The following PIKFYVE variants were observed in gnomAD, a reference collection of about 807,000 sequenced individuals.
PIKFYVE encodes the protein 1-phosphatidylinositol 3-phosphate 5-kinase.
PIKFYVE carries 122 observed loss-of-function variants against 257.9 expected under a neutral mutation model. The ratio of observed to expected loss-of-function variants is 0.47; its 90% CI spans 0.41 to 0.55. The LOEUF is 0.55. PIKFYVE is among the 20% of genes least tolerant of loss of function. The pLI is 0.00. For synonymous variants in PIKFYVE, 892 were observed against 868.9 expected, an observed-to-expected ratio of 1.03 and a Z score of -0.47; for missense variants, 2,160 against 2,536.6, an observed-to-expected ratio of 0.85 and a Z score of 3.19.
chr2:208,270,431 A>G (rs1689267796), intron 1 of PIKFYVE, among the ~76,000 whole-genome samples: 1 of 152,174 alleles, frequency 6.6e-6, no homozygotes, highest in African/African-American at 2.4e-5. Context: ...CTTTTCTGTA[A>G]CTTCCATCTG....
chr2:208,273,568 C>G lies in PIKFYVE; in HGVS notation c.173-16C>G. On this transcript the variant is annotated splice_polypyrimidine_tract_variant and intron_variant, in intron 2 of 41. Transcript: ENST00000264380. ...CTCTCAGTCTTTAAATAATGCCAAG[C>G]GTTCCCTTGCTACAGAGAGAGCAGA... 2 of 1,614,084 alleles carry G rather than the reference C, an allele frequency of 1.2e-6. No homozygotes were observed. Among genetic ancestry groups the G allele is most frequent in the Non-Finnish European group, 1.7e-6 (2 of 1,179,996 alleles).
intron 9 of PIKFYVE, 52 bp from the exon 10 acceptor site, chr2:208,302,190 A>C: frequency 6.7e-7 from 1 of 1,484,950 alleles, no homozygotes; most frequent in Non-Finnish European, 9.4e-7. Flanking sequence ...TCTGGTACTT[A>C]ACTATTCTGA....
At chr2:208,267,502 G>GTTT (rs376773052) in intron 1 of PIKFYVE, among the ~76,000 whole-genome samples, 81,597 of 109,036 alleles carry the variant, frequency 0.75, 33,618 homozygotes, top group East Asian at 0.87. Context: ...TACATTGCCA[G>GTTT]TTTTTTTTTT....
At chr2:208,328,401 C>T (rs752616270) in intron 21 of PIKFYVE, 121 bp downstream of exon 21, 1 of 1,175,498 alleles carries the variant, frequency 8.5e-7, no homozygotes, top group Middle Eastern at 1.9e-4. Flanking sequence ...CACTGCTGGT[C>T]ATATATGAAT....
chr2:208,308,795 C>A (rs552414069), intron 12 of PIKFYVE, among the ~76,000 whole-genome samples: 1 of 151,836 alleles, frequency 6.6e-6, no homozygotes, highest in East Asian at 1.9e-4. Flanking sequence ...GCAACCTCCG[C>A]CTTCCGGGTT....
Position 208,354,615 on chromosome 2 carries a change from G to A in PIKFYVE, c.6151G>A (p.Val2051Met). ...FTWDKKLEMV[V>M]KSTGILGGQG... is the part of the protein sequence containing the mutation. ...ATGGGACAAAAAGCTTGAGATGGTT[G>A]TGAAATCAACAGGAATTTTAGGTGG... The change falls in exon 41 of 42, where the codon GTG (valine) becomes ATG (methionine). Residue 2051 changes from valine to methionine, a missense_variant. Transcript: ENST00000264380. 1 of 1,613,486 alleles carries A rather than the reference G, an allele frequency of 6.2e-7. No individual in the cohort carries two copies. Among genetic ancestry groups the A allele is most frequent in the Non-Finnish European group, 8.5e-7 (1 of 1,179,522 alleles).
At chr2:208,303,426 A>G (rs1389984810) in intron 10 of PIKFYVE, among the ~76,000 whole-genome samples, 3 of 152,196 alleles carry the variant, frequency 2.0e-5, no homozygotes, top group African/African-American at 7.2e-5. Flanking sequence ...ATCTTTATTG[A>G]TAACAGACAA....
At chr2:208,272,234 C>CAA (rs567085787) in intron 2 of PIKFYVE, among the ~76,000 whole-genome samples, 3 of 133,614 alleles carry the variant, frequency 2.2e-5, no homozygotes, top group African/African-American at 8.2e-5. Context: ...GACTCCATCT[C>CAA]AAAAAATAAA....
intron 10 of PIKFYVE, among the ~76,000 whole-genome samples, chr2:208,303,382 A>G (rs1451895791): frequency 1.3e-5 from 2 of 152,108 alleles, no homozygotes; most frequent in African/African-American, 2.4e-5. Context: ...GACTTCCCCA[A>G]AACTTAACTA....
At chr2:208,286,470 A>G (rs942464864) in intron 6 of PIKFYVE, among the ~76,000 whole-genome samples, 1 of 152,084 alleles carries the variant, frequency 6.6e-6, no homozygotes, top group Non-Finnish European at 1.5e-5. Context: ...AGAGGGTGCT[A>G]ACTCTTGGAA....
At chr2:208,301,915 T>C (rs114119367) in intron 9 of PIKFYVE, among the ~76,000 whole-genome samples, 175 of 152,324 alleles carry the variant, frequency 1.1e-3, no homozygotes, top group African/African-American at 4.1e-3. Flanking sequence ...CTAAGCTCCT[T>C]GAAGGTAGGA....
chr2:208,304,280 C>G lies in PIKFYVE; in HGVS notation c.1430C>G (p.Thr477Arg), dbSNP rs752730313. Residue 477 changes from threonine to arginine, a missense_variant, in exon 11 of 42, where the codon ACA becomes AGA. This residue lies in a region of PIKFYVE where 15 missense variants were observed against 39.1 expected (regional missense o/e 0.38). Coordinates refer to ENST00000264380, the MANE Select transcript of PIKFYVE (RefSeq NM_015040.4). ...FKDIKFDDSD[T>R]EQIAEEGDDN... Reference sequence around the variant, plus strand: ...GACATAAAGTTTGATGACAGTGACACAGAACAGATAGCTGAAGAAGGTGAC... The same window carrying G: ...GACATAAAGTTTGATGACAGTGACAGAGAACAGATAGCTGAAGAAGGTGAC... 10 of 1,614,018 alleles carry G rather than the reference C, an allele frequency of 6.2e-6. No homozygotes were observed. The highest frequency in any genetic ancestry group is 8.5e-6 in the Non-Finnish European group (10 of 1,180,012).
chr2:208,286,194 C>T (rs767029259), intron 6 of PIKFYVE, among the ~76,000 whole-genome samples: 7 of 152,084 alleles, frequency 4.6e-5, no homozygotes, highest in East Asian at 1.9e-4. Context: ...CCAAGAACAG[C>T]GCATGGCATG....
Position 208,315,334 on chromosome 2 carries a change from T to G in PIKFYVE, c.1968T>G (p.Asp656Glu). 5.0e-6 allele frequency: 8 copies of G among 1,614,186 alleles called. No homozygotes were observed. The highest frequency in any genetic ancestry group is 5.9e-6 in the Non-Finnish European group (7 of 1,180,014). The change falls in exon 15 of 42, where the codon GAT (aspartate) becomes GAG (glutamate). Residue 656 changes from aspartate (D) to glutamate (E), a missense_variant. Asp to Glu is a conservative substitution (Grantham distance 45). Coordinates refer to ENST00000264380, the MANE Select transcript of PIKFYVE (RefSeq NM_015040.4). ...QTVRPDVKNQDDDMDIRQFVH... is the reference protein window; with the variant it reads ...QTVRPDVKNQEDDMDIRQFVH... ...TCCGACCTGATGTCAAGAACCAGGA[T>G]GATGACATGGATATCCGTCAGTTTG...
chr2:208,348,155 C>T, intron 35 of PIKFYVE, 132 bp downstream of exon 35: 1 of 1,188,674 alleles, frequency 8.4e-7, no homozygotes, highest in Non-Finnish European at 1.2e-6. Context: ...TCTCACTTGT[C>T]AGTGTGGTAG....
intron 16 of PIKFYVE, 107 bp downstream of exon 16, chr2:208,318,048 AG>A: frequency 8.4e-7 from 1 of 1,188,902 alleles, no homozygotes; most frequent in Non-Finnish European, 1.2e-6. Flanking sequence ...GGACAATGAA[AG>A]GCAGCTGTGT....
chr2:208,300,100 G>A (rs527600732), intron 8 of PIKFYVE, among the ~76,000 whole-genome samples: 7 of 152,174 alleles, frequency 4.6e-5, no homozygotes, highest in Non-Finnish European at 1.0e-4. Flanking sequence ...AATAGTGGAA[G>A]TAGTAATACT....
In PIKFYVE at chr2:208,304,338, AT is replaced by A; in HGVS notation, c.1468+24del. The A allele has an allele frequency of 1.9e-6, 3 of 1,612,266 alleles. No homozygotes were observed. The highest frequency in any genetic ancestry group is 1.7e-6 in the Non-Finnish European group (2 of 1,179,004). On this transcript the variant is annotated intron_variant, in intron 11 of 41. Coordinates refer to ENST00000264380, the MANE Select transcript of PIKFYVE (RefSeq NM_015040.4). ...TGGCTAGTGAGTTTAACTTTCTAAC[AT>A]TTTAGTTTTGATGGGTCATTGCTGT...
chr2:208,350,080 C>T lies in PIKFYVE; in HGVS notation c.5431C>T (p.Leu1811Phe), dbSNP rs1468182877. ...GCAACTCATAAATCCTCATGTGGAA[C>T]TTCGTAAGTATGAGATATTATATCA... The part of the protein sequence containing the change: ...KKQLINPHVE[L>F]QFSDANAKFY... Residue 1811 changes from leucine to phenylalanine, a missense_variant, in exon 36 of 42, where the codon CTT becomes TTT. Leu to Phe is a conservative substitution (Grantham distance 22). This residue lies in a region of PIKFYVE where 699 missense variants were observed against 855.8 expected (regional missense o/e 0.82). Coordinates refer to ENST00000264380, the MANE Select transcript of PIKFYVE (RefSeq NM_015040.4). 1 of 1,612,438 alleles carries T rather than the reference C, an allele frequency of 6.2e-7. No homozygotes were observed. The highest frequency in any genetic ancestry group is 8.5e-7 in the Non-Finnish European group (1 of 1,179,004).
Sources: allele counts gnomAD v4.1 joint callset (sites outside exome capture counted in the v4.1 genomes callset), GRCh38; gene constraint gnomAD v4.1.1; regional missense constraint gnomAD v4.1.1; transcripts MANE v1.5; gene names NCBI Gene and HGNC (gene_info 2026-07-23, HGNC 2026-07-21).